The following CTBP1 variants were observed in gnomAD, a reference collection of about 807,000 sequenced individuals.
CTBP1 encodes the protein C-terminal-binding protein 1.
Under a neutral mutation model 42.1 loss-of-function variants are expected in CTBP1, and 11 were observed. The observed-to-expected ratio is 0.26, with a 90% CI of 0.16 to 0.43. The LOEUF (loss-of-function observed/expected upper bound fraction) is 0.43, where lower values mean the gene tolerates loss of function less well. Ranked by LOEUF, CTBP1 falls within the 20% of genes least tolerant of loss-of-function variation. The probability of loss-of-function intolerance (pLI) is 1.00; values close to 1 mark genes in which losing one functional copy is unlikely to be tolerated. For missense variants in CTBP1, 399 were observed against 624.3 expected (o/e 0.64, Z 3.85); for synonymous variants, 324 against 277.1 (o/e 1.17, Z -1.68).
intron 3 of CTBP1, chr4:1,236,391 C>T (rs1731494314): frequency 3.8e-6 from 2 of 530,092 alleles, no homozygotes; most frequent in East Asian, 3.3e-5. Flanking sequence ...CGGGCAATGC[C>T]GAGACCGCCC....
At chr4:1,237,498 C>G (rs1444281627) in intron 3 of CTBP1, 1 of 682,426 alleles carries the variant, frequency 1.5e-6, no homozygotes, top group African/African-American at 1.8e-5. Flanking sequence ...GCAGGGAAAA[C>G]CCCGTGTCCA....
At chr4:1,246,576 C>T (rs1732744656) in intron 1 of CTBP1, among the ~76,000 whole-genome samples, 1 of 152,256 alleles carries the variant, frequency 6.6e-6, no homozygotes, top group Admixed American at 6.5e-5. Flanking sequence ...GAGTTCTCAG[C>T]AACACTAGTG....
At chr4:1,215,908 T>C (rs1400526398) in intron 6 of CTBP1, 83 bp downstream of exon 6, 11 of 1,437,830 alleles carry the variant, frequency 7.7e-6, no homozygotes, top group Non-Finnish European at 1.0e-5. Context: ...CAGGTGCAGA[T>C]GGCTGCTGGG....
chr4:1,230,940 G>C (rs1247287188), intron 3 of CTBP1, among the ~76,000 whole-genome samples: 1 of 152,234 alleles, frequency 6.6e-6, no homozygotes, highest in African/African-American at 2.4e-5. Flanking sequence ...CCTCCCCGAC[G>C]AGGCTTTCAT....
chr4:1,227,978 C>T (rs1330419151), intron 4 of CTBP1, among the ~76,000 whole-genome samples: 2 of 152,220 alleles, frequency 1.3e-5, no homozygotes, highest in Admixed American at 1.3e-4. Flanking sequence ...AGCTGGATTT[C>T]CTGCTGCCCA....
At chr4:1,247,899 C>T (rs1318843428) in intron 1 of CTBP1, among the ~76,000 whole-genome samples, 4 of 152,228 alleles carry the variant, frequency 2.6e-5, no homozygotes, top group African/African-American at 9.6e-5. Context: ...CGACCGCCTT[C>T]CCTTTTCCCC....
chr4:1,241,968 G>GTA, intron 1 of CTBP1: 1 of 1,018,396 alleles, frequency 9.8e-7, no homozygotes, highest in Non-Finnish European at 1.2e-6. Context: ...GACCAGGCAA[G>GTA]GACGTGGAAC....
At chr4:1,239,251 C>T (rs1235436709) in intron 2 of CTBP1, among the ~76,000 whole-genome samples, 1 of 152,222 alleles carries the variant, frequency 6.6e-6, no homozygotes, top group Non-Finnish European at 1.5e-5. Flanking sequence ...CACCGCCCGA[C>T]CGCCCCGTGC....
In CTBP1 at chr4:1,212,410, C is replaced by T. The variant is rs1009692881; in HGVS notation, c.1120G>A (p.Val374Met). The T allele has an allele frequency of 8.9e-6, 13 of 1,464,120 alleles. No homozygotes were observed. Among genetic ancestry groups the T allele is most frequent in the African/African-American group, 1.5e-5 (1 of 67,728 alleles). The allele number at this position is 1,464,120 out of a possible 1,614,324, so 90.7% of individuals were successfully genotyped here. Reference sequence around the variant, plus strand: ...ATGCCAGTGGGGGCCACGCCCACCACGCCCGGAGGGTACCTGCTGGGAGAG... The same window carrying T: ...ATGCCAGTGGGGGCCACGCCCACCATGCCCGGAGGGTACCTGCTGGGAGAG... ...NGAAYRYPPG[V>M]VGVAPTGIPA... The change falls in exon 10 of 10, where the codon GTG (valine) becomes ATG (methionine). Residue 374 changes from valine (V) to methionine (M), a missense_variant. Transcript: ENST00000382952.
intron 1 of CTBP1, among the ~76,000 whole-genome samples, chr4:1,247,378 G>A (rs1732824976): frequency 6.6e-6 from 1 of 152,114 alleles, no homozygotes; most frequent in Non-Finnish European, 1.5e-5. Flanking sequence ...GAATCACAGA[G>A]AGCAAAAGGC....
upstream of CTBP1, chr4:1,249,684 G>A (rs1240293397): frequency 9.5e-6 from 4 of 421,732 alleles, no homozygotes; most frequent in Non-Finnish European, 1.9e-5. Flanking sequence ...ACCCCGAGAG[G>A]AGAAGCGCGC....
At chr4:1,247,735 G>A (rs956422661) in intron 1 of CTBP1, among the ~76,000 whole-genome samples, 11 of 141,020 alleles carry the variant, frequency 7.8e-5, no homozygotes, top group Admixed American at 2.8e-4. Context: ...GCTCCCTGCC[G>A]CGCTCCTACA....
chr4:1,245,317 C>T (rs1732605144), intron 1 of CTBP1: 4 of 985,472 alleles, frequency 4.1e-6, no homozygotes, highest in Non-Finnish European at 4.8e-6. Context: ...CCGCACGTTT[C>T]CCTGTTTGTT....
chr4:1,232,662 C>A (rs1197416121), intron 3 of CTBP1, among the ~76,000 whole-genome samples: 1 of 152,214 alleles, frequency 6.6e-6, no homozygotes, highest in Non-Finnish European at 1.5e-5. Context: ...ACCTTTTCCT[C>A]TGTAGTATCA....
chr4:1,243,289 T>G (rs2170321), intron 1 of CTBP1: 201,985 of 985,250 alleles, frequency 0.21, 22,661 homozygotes, highest in East Asian at 0.63. Flanking sequence ...AAGGCCACCC[T>G]GGCCCTCCTG....
At chr4:1,224,980 T>G (rs1303522662) in intron 5 of CTBP1, among the ~76,000 whole-genome samples, 1 of 151,990 alleles carries the variant, frequency 6.6e-6, no homozygotes, top group Non-Finnish European at 1.5e-5. Context: ...TGTGTGAGGC[T>G]GTGTACTGTG....
chr4:1,221,859 A>AGAAG (rs759740269), intron 5 of CTBP1: 5 of 420,518 alleles, frequency 1.2e-5, no homozygotes, highest in East Asian at 1.7e-4. Flanking sequence ...TGCATTTTTC[A>AGAAG]GAAGGAAGGA....
chr4:1,239,420 G>A (rs567018468), intron 2 of CTBP1, among the ~76,000 whole-genome samples: 1 of 152,314 alleles, frequency 6.6e-6, no homozygotes, highest in Non-Finnish European at 1.5e-5. Flanking sequence ...AGGAGGGGAG[G>A]CGCACGACAG....
intron 4 of CTBP1, among the ~76,000 whole-genome samples, chr4:1,226,766 G>T (rs532904402): frequency 6.8e-4 from 104 of 151,868 alleles, no homozygotes; most frequent in Middle Eastern, 3.4e-3. Context: ...CCCTTCCTGG[G>T]ACGCCACCAC....
Sources: allele counts gnomAD v4.1 joint callset (sites outside exome capture counted in the v4.1 genomes callset), GRCh38; gene constraint gnomAD v4.1.1; transcripts MANE v1.5; gene names NCBI Gene and HGNC (gene_info 2026-07-23, HGNC 2026-07-21).